Variants in DOCK4 observed in about 807,000 individuals in gnomAD.
DOCK4 encodes dedicator of cytokinesis protein 4.
Under a neutral mutation model 268.1 loss-of-function variants are expected in DOCK4, and 97 were observed. The observed-to-expected ratio is 0.36, with a 90% CI of 0.31 to 0.43. The LOEUF is 0.43. DOCK4 is among the 20% of genes least tolerant of loss of function. DOCK4 has a pLI of 1.00. For synonymous variants in DOCK4, 954 were observed against 887.2 expected (o/e 1.08, Z -1.34); for missense variants, 2,145 against 2,455.7 (o/e 0.87, Z 2.67).
intron 15 of DOCK4, among the ~76,000 whole-genome samples, chr7:111,900,148 G>C (rs1791019330): frequency 6.6e-6 from 1 of 152,194 alleles, no homozygotes; most frequent in African/African-American, 2.4e-5. Flanking sequence ...GTGAGAGCTG[G>C]ATCAGCTCCT....
chr7:112,099,294 A>AT (rs1327657878), intron 1 of DOCK4, among the ~76,000 whole-genome samples: 3 of 114,848 alleles, frequency 2.6e-5, no homozygotes, highest in East Asian at 2.7e-4. Context: ...CCTGTCTCGG[A>AT]TTTAAAAAAA....
chr7:112,158,928 T>C (rs1816847727), intron 1 of DOCK4, among the ~76,000 whole-genome samples: 1 of 152,182 alleles, frequency 6.6e-6, no homozygotes, highest in East Asian at 1.9e-4. Context: ...CAGGTAAAGT[T>C]CAGCCCAGCT....
chr7:111,944,983 T>C (rs1795505165), intron 9 of DOCK4, 112 bp from the exon 10 acceptor site: 1 of 836,440 alleles, frequency 1.2e-6, no homozygotes, highest in Admixed American at 2.0e-5. Context: ...ACATTCTTAA[T>C]GGAATGTTTG....
chr7:112,025,899 G>A (rs1802744758), intron 1 of DOCK4, among the ~76,000 whole-genome samples: 1 of 152,026 alleles, frequency 6.6e-6, no homozygotes, highest in Non-Finnish European at 1.5e-5. Context: ...AGCCTTCCCT[G>A]GCTACTCCTA....
chr7:111,887,501 A>G (rs1305944476), intron 16 of DOCK4, among the ~76,000 whole-genome samples: 1 of 152,156 alleles, frequency 6.6e-6, no homozygotes, highest in Non-Finnish European at 1.5e-5. Flanking sequence ...TCAGGAGCAC[A>G]TCGTCAGGCC....
At chr7:111,758,994 T>TA (rs1291026192) in intron 40 of DOCK4, among the ~76,000 whole-genome samples, 3 of 152,304 alleles carry the variant, frequency 2.0e-5, no homozygotes, top group Middle Eastern at 3.4e-3. Context: ...GAACTAGTTC[T>TA]AGGTAGGTGA....
intron 1 of DOCK4, among the ~76,000 whole-genome samples, chr7:112,161,990 G>C (rs1817171351): frequency 6.6e-6 from 1 of 152,142 alleles, no homozygotes; most frequent in Non-Finnish European, 1.5e-5. Context: ...GGGGTGTACT[G>C]TTACTAATGT....
At chr7:112,047,791 C>T (rs1022153720) in intron 1 of DOCK4, among the ~76,000 whole-genome samples, 2 of 152,092 alleles carry the variant, frequency 1.3e-5, no homozygotes, top group South Asian at 2.1e-4. Context: ...CCCCTGGGCT[C>T]GAGGGATCCT....
intron 12 of DOCK4, among the ~76,000 whole-genome samples, chr7:111,921,277 T>C (rs1793114057): frequency 6.6e-6 from 1 of 152,350 alleles, no homozygotes; most frequent in East Asian, 1.9e-4. Flanking sequence ...CATGATTAAG[T>C]TCAGCTTACG....
At chr7:111,781,950 G>C (rs1039380714) in intron 35 of DOCK4, among the ~76,000 whole-genome samples, 1 of 152,186 alleles carries the variant, frequency 6.6e-6, no homozygotes, top group Non-Finnish European at 1.5e-5. Flanking sequence ...AAGAATGACT[G>C]TGCAAGAACT....
chr7:111,983,862 G>GCGCACACACACACACACA, intron 7 of DOCK4, among the ~76,000 whole-genome samples: 26 of 138,648 alleles, frequency 1.9e-4, no homozygotes, highest in Admixed American at 7.1e-4. Flanking sequence ...GCGCGCGCGC[G>GCGCACACACACACACACA]CACACACACA....
intron 1 of DOCK4, among the ~76,000 whole-genome samples, chr7:112,111,969 GC>G (rs1253368193): frequency 1.3e-5 from 2 of 152,166 alleles, no homozygotes; most frequent in Non-Finnish European, 2.9e-5. Flanking sequence ...GTGCCAGGAT[GC>G]TCACACCCAC....
At chr7:112,050,632 T>G (rs1352310562) in intron 1 of DOCK4, among the ~76,000 whole-genome samples, 1 of 150,890 alleles carries the variant, frequency 6.6e-6, no homozygotes, top group African/African-American at 2.5e-5. Context: ...TGGATTTCAT[T>G]GAAGAGTCTG....
chr7:112,125,424 T>C (rs1415011410), intron 1 of DOCK4, among the ~76,000 whole-genome samples: 1 of 152,256 alleles, frequency 6.6e-6, no homozygotes, highest in East Asian at 1.9e-4. Context: ...AAAGCTCAAT[T>C]GTACTTCTTA....
At chr7:112,173,358 C>T (rs1352623920) in intron 1 of DOCK4, among the ~76,000 whole-genome samples, 5 of 152,174 alleles carry the variant, frequency 3.3e-5, no homozygotes, top group African/African-American at 1.2e-4. Flanking sequence ...ATGTCACTTC[C>T]GGACAATAGC....
intron 1 of DOCK4, among the ~76,000 whole-genome samples, chr7:112,197,854 A>G (rs992158346): frequency 2.6e-5 from 4 of 151,586 alleles, no homozygotes; most frequent in Non-Finnish European, 5.9e-5. Context: ...GTGCAGACTC[A>G]CTTTCTACTA....
At chr7:111,927,012 A>G (rs1186905991) in intron 12 of DOCK4, among the ~76,000 whole-genome samples, 1 of 152,222 alleles carries the variant, frequency 6.6e-6, no homozygotes, top group Admixed American at 6.5e-5. Context: ...GTATTGTTCA[A>G]TTTGTGAATA....
chr7:111,871,931 T>C, intron 20 of DOCK4, 59 bp downstream of exon 20: 1 of 1,375,942 alleles, frequency 7.3e-7, no homozygotes, highest in South Asian at 1.4e-5. Context: ...TCGCCTCTTC[T>C]GCTGAGAAAA....
chr7:111,936,327 C>A (rs961878241), intron 11 of DOCK4, among the ~76,000 whole-genome samples: 1 of 152,190 alleles, frequency 6.6e-6, no homozygotes, highest in Admixed American at 6.5e-5. Flanking sequence ...TTTCTCTTAG[C>A]TTTTATCACT....
Sources: allele counts gnomAD v4.1 joint callset (sites outside exome capture counted in the v4.1 genomes callset), GRCh38; gene constraint gnomAD v4.1.1; transcripts MANE v1.5; gene names NCBI Gene and HGNC (gene_info 2026-07-23, HGNC 2026-07-21).